Variants in OPCML observed in about 807,000 individuals in gnomAD.
The protein encoded by OPCML is opioid-binding protein/cell adhesion molecule.
In OPCML, 13 loss-of-function variants were observed where a neutral mutation model predicts 37.8. The observed-to-expected ratio is 0.34, with a 90% confidence interval of 0.22 to 0.55. The LOEUF (loss-of-function observed/expected upper bound fraction) is 0.55. Among genes scored for constraint, OPCML ranks in the 20% least tolerant of loss-of-function variants. The probability of loss-of-function intolerance (pLI) is 0.91; values close to 1 mark genes in which losing one functional copy is unlikely to be tolerated. For missense variants in OPCML, 341 were observed against 435.6 expected (o/e 0.78, Z 1.93); for synonymous variants, 176 against 168.8 (o/e 1.04, Z -0.33).
intron 1 of OPCML, among the ~76,000 whole-genome samples, chr11:133,377,220 A>G (rs1944824892): frequency 6.6e-6 from 1 of 152,152 alleles, no homozygotes; most frequent in South Asian, 2.1e-4. Flanking sequence ...AGCTGAAGTC[A>G]AAGTTGCTAT....
At chr11:133,261,100 T>A (rs922496844) in intron 1 of OPCML, among the ~76,000 whole-genome samples, 1 of 152,194 alleles carries the variant, frequency 6.6e-6, no homozygotes, top group African/African-American at 2.4e-5. Flanking sequence ...TTCTTACTTG[T>A]TTTTGGATAT....
chr11:132,724,608 C>CA (rs1309514513), intron 2 of OPCML, among the ~76,000 whole-genome samples: 1 of 152,142 alleles, frequency 6.6e-6, no homozygotes, highest in Non-Finnish European at 1.5e-5. Flanking sequence ...CATGCCTTCC[C>CA]AAGAGTTTCT....
intron 1 of OPCML, among the ~76,000 whole-genome samples, chr11:133,276,281 A>T (rs1181285376): frequency 6.6e-6 from 1 of 152,174 alleles, no homozygotes; most frequent in African/African-American, 2.4e-5. Flanking sequence ...CGTGGAAGAG[A>T]TTGAAGATTT....
chr11:133,385,764 G>T (rs1221762417), intron 1 of OPCML, among the ~76,000 whole-genome samples: 2 of 152,042 alleles, frequency 1.3e-5, no homozygotes, highest in Admixed American at 6.6e-5. Context: ...TTCTAACTTG[G>T]CAAGAAGACT....
intron 1 of OPCML, among the ~76,000 whole-genome samples, chr11:132,996,336 A>G (rs1227802482): frequency 6.6e-6 from 1 of 152,030 alleles, no homozygotes; most frequent in South Asian, 2.1e-4. Flanking sequence ...AACTTGATTC[A>G]TAGCTGGGTA....
At chr11:132,881,862 C>A (rs1943237022) in intron 2 of OPCML, among the ~76,000 whole-genome samples, 1 of 152,292 alleles carries the variant, frequency 6.6e-6, no homozygotes, top group South Asian at 2.1e-4. Context: ...CCACATTTCC[C>A]CCTTCTCCAG....
At chr11:132,985,722 G>T (rs982031956) in intron 1 of OPCML, among the ~76,000 whole-genome samples, 2 of 152,152 alleles carry the variant, frequency 1.3e-5, no homozygotes, top group African/African-American at 4.8e-5. Flanking sequence ...AAAAGGAGAG[G>T]ATTATACAGG....
intron 2 of OPCML, among the ~76,000 whole-genome samples, chr11:132,847,365 T>A (rs989063720): frequency 5.3e-5 from 8 of 152,202 alleles, no homozygotes; most frequent in Admixed American, 1.3e-4. Flanking sequence ...AAAACGTCCG[T>A]GGAGTAAGAC....
At chr11:132,898,971 G>A (rs937508242) in intron 2 of OPCML, among the ~76,000 whole-genome samples, 3 of 152,010 alleles carry the variant, frequency 2.0e-5, no homozygotes, top group Non-Finnish European at 4.4e-5. Flanking sequence ...ATGTAAGGAA[G>A]ACTATGCCTG....
At chr11:133,480,912 G>A (rs1342115220) in intron 1 of OPCML, among the ~76,000 whole-genome samples, 3 of 152,194 alleles carry the variant, frequency 2.0e-5, no homozygotes, top group Admixed American at 6.5e-5. Context: ...TGTGTATGAA[G>A]TCTCACTTCT....
At chr11:133,509,898 C>T (rs979358764) in intron 1 of OPCML, among the ~76,000 whole-genome samples, 1 of 152,168 alleles carries the variant, frequency 6.6e-6, no homozygotes, top group African/African-American at 2.4e-5. Context: ...GGTGTCTCTT[C>T]TTAAAGGCTT....
intron 2 of OPCML, among the ~76,000 whole-genome samples, chr11:132,728,285 G>A (rs1452518667): frequency 6.6e-6 from 1 of 152,138 alleles, no homozygotes; most frequent in Non-Finnish European, 1.5e-5. Context: ...GGTGACAGGA[G>A]TCTCATAAAT....
chr11:133,111,475 TGTTA>T (rs1271839522), intron 1 of OPCML, among the ~76,000 whole-genome samples: 10 of 152,162 alleles, frequency 6.6e-5, no homozygotes, highest in Admixed American at 4.6e-4. Flanking sequence ...TTGTCCCCAG[TGTTA>T]GTTAGTACGA....
chr11:133,141,712 T>A (rs2137168543), intron 1 of OPCML, among the ~76,000 whole-genome samples: 1 of 152,300 alleles, frequency 6.6e-6, no homozygotes, highest in African/African-American at 2.4e-5. Context: ...CAACATAGCT[T>A]CAACCAGCAT....
In OPCML at chr11:133,271,442, G is replaced by C. The variant is rs1592155994; in HGVS notation, c.61+260822C>G. ...GGTAGATGGGCCTTAAACACATTAA[G>C]GATCAACAATTTCAGTAGAATTAAA... On this transcript the variant is annotated intron_variant, in intron 1 of 7. Transcript: ENST00000524381. 2.0e-5 allele frequency among the ~76,000 whole-genome samples: 3 copies of C among 152,104 alleles called. No individual in the cohort carries two copies. The South Asian group carries it at 6.2e-4, about 32-fold the overall frequency.
chr11:133,232,005 C>T (rs1391875703), intron 1 of OPCML, among the ~76,000 whole-genome samples: 1 of 150,086 alleles, frequency 6.7e-6, no homozygotes, highest in East Asian at 2.0e-4. Flanking sequence ...AAGGGACTCC[C>T]CAGCCTCCTC....
chr11:133,110,722 G>A (rs1949237268), intron 1 of OPCML, among the ~76,000 whole-genome samples: 1 of 152,106 alleles, frequency 6.6e-6, no homozygotes, highest in African/African-American at 2.4e-5. Flanking sequence ...GATAATCTAT[G>A]GGATTCTTTT....
chr11:132,697,914 T>C (rs966401599), intron 2 of OPCML, among the ~76,000 whole-genome samples: 19 of 151,910 alleles, frequency 1.3e-4, no homozygotes, highest in African/African-American at 4.1e-4. Flanking sequence ...ACCACAGGCA[T>C]GCATTACCAC....
At chr11:133,283,511 A>G (rs965746862) in intron 1 of OPCML, among the ~76,000 whole-genome samples, 14 of 152,172 alleles carry the variant, frequency 9.2e-5, no homozygotes, top group African/African-American at 3.4e-4. Context: ...CTTCCTGTAA[A>G]GCCTGCAGAA....
Sources: gnomAD v4.1 joint callset for allele counts (sites outside exome capture counted in the v4.1 genomes callset) on GRCh38, gnomAD v4.1.1 for gene constraint, MANE v1.5 for transcripts, NCBI Gene and HGNC (gene_info 2026-07-23, HGNC 2026-07-21) for gene names.